The following NDUFA5 variants were observed in gnomAD, a reference collection of about 807,000 sequenced individuals.
NDUFA5 encodes the protein NADH:ubiquinone oxidoreductase subunit A5.
Under a neutral mutation model 19.8 loss-of-function variants are expected in NDUFA5, and 11 were observed. The observed-to-expected ratio is 0.56, with a 90% CI of 0.35 to 0.92. NDUFA5 has a LOEUF of 0.92. NDUFA5 is among the 40% of genes least tolerant of loss of function. NDUFA5 has a pLI of 0.01. For missense variants in NDUFA5, 109 were observed against 134.2 expected, an observed-to-expected ratio of 0.81 and a Z score of 0.93; for synonymous variants, 47 against 46.8, an observed-to-expected ratio of 1.00 and a Z score of -0.01.
intron 3 of NDUFA5, among the ~76,000 whole-genome samples, chr7:123,548,113 AC>A (rs1350292449): frequency 6.6e-6 from 1 of 152,142 alleles, no homozygotes; most frequent in East Asian, 1.9e-4. Flanking sequence ...AAAAAAAGTT[AC>A]TTTTATTTCC....
chr7:123,551,778 T>C (rs935574724), intron 2 of NDUFA5, among the ~76,000 whole-genome samples: 4 of 152,162 alleles, frequency 2.6e-5, no homozygotes, highest in Admixed American at 6.5e-5. Flanking sequence ...AACTTCAGTA[T>C]AGAAATCAGT....
rs1437461298 is a variant in NDUFA5, at chr7:123,541,103, T to A, written c.*1016A>T. 2 of 152,224 alleles carry A rather than the reference T, an allele frequency of 1.3e-5. No individual in the cohort carries two copies. The highest frequency in any genetic ancestry group is 2.9e-5 in the Non-Finnish European group (2 of 68,036). 9.4% of individuals were successfully genotyped at this position (152,224 alleles called of 1,614,324 possible). On this transcript the variant is annotated 3_prime_UTR_variant, in exon 5 of 5. Transcript: ENST00000355749. The stretch of plus-strand genomic sequence containing the variant: ...GCCAACTTCTTTCCCTGAACAGCAT[T>A]TGTCTTGTTTTGATACCCACCTACA...
the NDUFA5 span, among the ~76,000 whole-genome samples, chr7:123,571,866 G>GTGATCATCCTGTTTCAGCCTCC: frequency 6.6e-6 from 1 of 152,116 alleles, no homozygotes; most frequent in Non-Finnish European, 1.5e-5. Flanking sequence ...CTGGGCCCGA[G>GTGATCATCCTGTTTCAGCCTCC]TGATCCTCCT....
chr7:123,552,179 TAA>T (rs34744524), intron 2 of NDUFA5, among the ~76,000 whole-genome samples: 2 of 144,318 alleles, frequency 1.4e-5, no homozygotes, highest in Admixed American at 6.9e-5. Flanking sequence ...TTTTTTCAAT[TAA>T]AAAAAAAAAA....
chr7:123,544,405 G>A (rs1472250962), intron 4 of NDUFA5, among the ~76,000 whole-genome samples: 3 of 151,500 alleles, frequency 2.0e-5, no homozygotes, highest in East Asian at 3.9e-4. Context: ...GGCTGAGGCA[G>A]GAGAATTGCT....
Position 123,540,492 on chromosome 7 carries a change from C to CTTGGGTA in NDUFA5, c.*1626_*1627insTACCCAA, listed in dbSNP as rs1797889922. On this transcript the variant is annotated 3_prime_UTR_variant, in exon 5 of 5. Coordinates refer to ENST00000355749, the MANE Select transcript of NDUFA5 (RefSeq NM_005000.5). ...AAAATAATGGTTGGCTAGAAAATTA[C>CTTGGGTA]CTTGAAAGTACCCATGCAAACACAC... 1 of 152,070 alleles carries CTTGGGTA rather than the reference C, an allele frequency of 6.6e-6. No homozygotes were observed. Among genetic ancestry groups the CTTGGGTA allele is most frequent in the Non-Finnish European group, 1.5e-5 (1 of 68,016 alleles). 9.4% of individuals were successfully genotyped at this position (152,070 alleles called of 1,614,324 possible).
the NDUFA5 span, among the ~76,000 whole-genome samples, chr7:123,569,159 C>T: frequency 6.6e-6 from 1 of 152,044 alleles, no homozygotes; most frequent in East Asian, 1.9e-4. Context: ...CTAGACTGGC[C>T]GTTCTCAACC....
the NDUFA5 span, among the ~76,000 whole-genome samples, chr7:123,594,772 T>C: frequency 6.6e-6 from 1 of 152,260 alleles, no homozygotes; most frequent in Non-Finnish European, 1.5e-5. Flanking sequence ...GTCTGTCCAT[T>C]ATTGGATCTC....
upstream of NDUFA5, among the ~76,000 whole-genome samples, chr7:123,561,391 C>G (rs1798685895): frequency 6.6e-6 from 1 of 152,296 alleles, no homozygotes. Context: ...ATTCAAGAAG[C>G]AACTCATCAT....
chr7:123,587,399 C>T, the NDUFA5 span, among the ~76,000 whole-genome samples: 1 of 150,788 alleles, frequency 6.6e-6, no homozygotes, highest in African/African-American at 2.4e-5. Context: ...ATTTTGTATC[C>T]TGCAACTTTA....
intron 1 of NDUFA5, 153 bp downstream of exon 1, chr7:123,557,622 A>G (rs779357508): frequency 6.2e-7 from 1 of 1,613,508 alleles, no homozygotes; most frequent in South Asian, 1.1e-5. Context: ...CGGAACCACT[A>G]ACCTGCCCTA....
At chr7:123,592,155 A>AT in the NDUFA5 span, among the ~76,000 whole-genome samples, 10 of 151,998 alleles carry the variant, frequency 6.6e-5, no homozygotes, top group African/African-American at 2.2e-4. Flanking sequence ...CCCCTTTATC[A>AT]TTTTTTATTG....
At chr7:123,557,861 C>G (rs1402614610), upstream of NDUFA5, 1 of 1,613,282 alleles carries the variant, frequency 6.2e-7, no homozygotes, top group African/African-American at 1.3e-5. Context: ...CTCAATCGAC[C>G]ACCGAGGTCG....
At chr7:123,579,483 C>T in the NDUFA5 span, among the ~76,000 whole-genome samples, 8 of 152,056 alleles carry the variant, frequency 5.3e-5, no homozygotes, top group East Asian at 7.7e-4. Flanking sequence ...GCAAAGTAAA[C>T]TCTCTATAAA....
At chr7:123,555,847 A>T (rs957630525) in intron 2 of NDUFA5, 2 of 152,218 alleles carry the variant, frequency 1.3e-5, no homozygotes, top group African/African-American at 4.8e-5. Flanking sequence ...GTGAAATGGA[A>T]AGCCATTAGT....
chr7:123,592,562 C>G, the NDUFA5 span, among the ~76,000 whole-genome samples: 3 of 152,162 alleles, frequency 2.0e-5, no homozygotes, highest in Admixed American at 6.5e-5. Context: ...CACTCAGGAG[C>G]AGGTTGTTCA....
At chr7:123,599,468 G>C in the NDUFA5 span, among the ~76,000 whole-genome samples, 1 of 152,168 alleles carries the variant, frequency 6.6e-6, no homozygotes, top group African/African-American at 2.4e-5. Flanking sequence ...AGCAAGAGCT[G>C]TTTTTTAAAA....
the NDUFA5 span, among the ~76,000 whole-genome samples, chr7:123,592,365 A>C: frequency 1.3e-3 from 197 of 151,984 alleles, 1 homozygote; most frequent in Non-Finnish European, 2.3e-3. Context: ...TAGTTCTTTT[A>C]ATTGTGATGT....
the NDUFA5 span, among the ~76,000 whole-genome samples, chr7:123,573,252 C>A: frequency 1.3e-5 from 2 of 150,284 alleles, no homozygotes; most frequent in Admixed American, 1.3e-4. Flanking sequence ...GCTTCCCCCC[C>A]GCCTCCCCAT....
Sources: allele counts gnomAD v4.1 joint callset (sites outside exome capture counted in the v4.1 genomes callset), GRCh38; gene constraint gnomAD v4.1.1; transcripts MANE v1.5; gene names NCBI Gene and HGNC (gene_info 2026-07-23, HGNC 2026-07-21).